The following TTC7A variants were observed in gnomAD, a reference collection of about 807,000 sequenced individuals.
The protein encoded by TTC7A is tetratricopeptide repeat protein 7A.
Under a neutral mutation model 103.7 loss-of-function variants are expected in TTC7A, and 110 were observed. The observed-to-expected ratio is 1.06, with a 90% CI of 0.91 to 1.24. The LOEUF (loss-of-function observed/expected upper bound fraction) is 1.24. Ranked by LOEUF, TTC7A falls within the 50% of genes most tolerant of loss-of-function variation. The probability of loss-of-function intolerance (pLI) is 0.00; values close to 1 mark genes in which losing one functional copy is unlikely to be tolerated. For missense variants in TTC7A, 1,340 were observed against 1,116.3 expected, an observed-to-expected ratio of 1.20 and a Z score of -2.86; for synonymous variants, 521 against 467.9, an observed-to-expected ratio of 1.11 and a Z score of -1.47.
At chr2:46,968,735 T>C (rs1443507636) in intron 3 of TTC7A, among the ~76,000 whole-genome samples, 1 of 152,176 alleles carries the variant, frequency 6.6e-6, no homozygotes, top group African/African-American at 2.4e-5. Flanking sequence ...AAAGGCATTA[T>C]CTCCATTATT....
At chr2:46,929,101 T>A (rs1256480230) in intron 2 of TTC7A, among the ~76,000 whole-genome samples, 1 of 152,060 alleles carries the variant, frequency 6.6e-6, no homozygotes. Context: ...AGGTGGAGGT[T>A]GGAGTGAGCC....
chr2:47,052,014 C>A (rs1682901588), intron 18 of TTC7A, 134 bp downstream of exon 18: 1 of 1,182,894 alleles, frequency 8.5e-7, no homozygotes, highest in African/African-American at 1.5e-5. Context: ...AGAGTCCTCG[C>A]CTCTGGCTGT....
At chr2:46,919,750 A>C (rs766487525) in intron 2 of TTC7A, among the ~76,000 whole-genome samples, 1 of 152,218 alleles carries the variant, frequency 6.6e-6, no homozygotes. Flanking sequence ...GCACAAGTAG[A>C]GGAAAAAACA....
intron 2 of TTC7A, among the ~76,000 whole-genome samples, chr2:46,919,735 G>A (rs1004312037): frequency 1.3e-5 from 2 of 152,208 alleles, no homozygotes; most frequent in East Asian, 1.9e-4. Context: ...AAAGGTGTGC[G>A]TTCTGCACAA....
chr2:47,023,298 C>A, intron 12 of TTC7A, 110 bp from the exon 13 acceptor site: 1 of 1,171,120 alleles, frequency 8.5e-7, no homozygotes, highest in Non-Finnish European at 1.2e-6. Context: ...CCAGATGGGA[C>A]CCTGGTGGGG....
rs756068587 is a variant in TTC7A, at chr2:47,051,819, G to A, written c.2091G>A (p.Ser697=). 316 of 1,611,974 alleles carry A rather than the reference G, an allele frequency of 2.0e-4. No individual in the cohort carries two copies. The highest frequency in any genetic ancestry group is 2.6e-4 in the Non-Finnish European group (304 of 1,179,798). ...TGTCAGAGCTGACTATGCCCTCTTCGGTCCTGAAGCAGGGCCCCATGCAGC... is the reference window on the plus strand; with the variant it reads ...TGTCAGAGCTGACTATGCCCTCTTCAGTCCTGAAGCAGGGCCCCATGCAGC... ...EAMSELTMPS[S]VLKQGPMQLW... Residue 697 remains serine (S), a synonymous_variant, in exon 18 of 20, where the codon TCG becomes TCA. Transcript: ENST00000319190.
At chr2:47,053,653 C>T (rs1278322464) in intron 18 of TTC7A, among the ~76,000 whole-genome samples, 1 of 152,064 alleles carries the variant, frequency 6.6e-6, no homozygotes, top group Admixed American at 6.6e-5. Context: ...CTCACTGCAA[C>T]CTCCACCTCC....
intron 2 of TTC7A, 138 bp from the exon 3 acceptor site, chr2:46,956,701 G>A: frequency 1.2e-6 from 1 of 843,366 alleles, no homozygotes; most frequent in South Asian, 1.5e-5. Flanking sequence ...GCATGTGCTT[G>A]AGCATCAAAG....
At chr2:46,991,234 T>G (rs776484198) in intron 5 of TTC7A, among the ~76,000 whole-genome samples, 34 of 152,186 alleles carry the variant, frequency 2.2e-4, no homozygotes, top group Admixed American at 8.5e-4. Flanking sequence ...AGTTCTTAAT[T>G]CAGCAGGTCT....
rs558488891 is a variant in TTC7A at position 47,042,972 on chromosome 2, C to T, written c.1803-3343C>T. 4.6e-5 allele frequency among the ~76,000 whole-genome samples: 7 copies of T among 152,302 alleles called. No individual in the cohort carries two copies. In the East Asian group the frequency reaches 1.4e-3, roughly 29 times the overall value. On this transcript the variant is annotated intron_variant, in intron 15 of 19. Coordinates refer to ENST00000319190, the MANE Select transcript of TTC7A (RefSeq NM_020458.4). The stretch of plus-strand genomic sequence containing the variant: ...CCTCCCCCCAGCTTCCCCCAGGAGT[C>T]ACAGCGTTCTGGTGAGGCTGTGGCC...
At chr2:46,962,407 C>T (rs528395659) in intron 3 of TTC7A, among the ~76,000 whole-genome samples, 7 of 152,314 alleles carry the variant, frequency 4.6e-5, no homozygotes, top group East Asian at 1.9e-4. Flanking sequence ...CTCCACCGAG[C>T]GTCTGACCTC....
chr2:46,959,968 C>T (rs1672229895), intron 3 of TTC7A, among the ~76,000 whole-genome samples: 3 of 152,308 alleles, frequency 2.0e-5, no homozygotes, highest in Non-Finnish European at 2.9e-5. Context: ...ACCACATGTT[C>T]CCCCACTAAG....
At chr2:47,063,507 A>G (rs1297549913) in intron 19 of TTC7A, among the ~76,000 whole-genome samples, 1 of 152,254 alleles carries the variant, frequency 6.6e-6, no homozygotes, top group Non-Finnish European at 1.5e-5. Context: ...TTTCACATTT[A>G]TGTAAGGGAT....
At chr2:46,930,356 C>T (rs1026462933) in intron 2 of TTC7A, among the ~76,000 whole-genome samples, 7 of 149,872 alleles carry the variant, frequency 4.7e-5, no homozygotes, top group South Asian at 4.2e-4. Context: ...ATAAATTCTA[C>T]GAACACTTAA....
At chr2:47,000,673 G>A (rs112767504) in intron 8 of TTC7A, among the ~76,000 whole-genome samples, 2 of 152,168 alleles carry the variant, frequency 1.3e-5, no homozygotes, top group South Asian at 2.1e-4. Flanking sequence ...CCAGGGAGGG[G>A]GCAGGTGCTG....
At chr2:46,975,281 A>G (rs1673766394) in intron 4 of TTC7A, among the ~76,000 whole-genome samples, 178 bp downstream of exon 4, 1 of 152,232 alleles carries the variant, frequency 6.6e-6, no homozygotes, top group Non-Finnish European at 1.5e-5. Context: ...TTCCACTAGA[A>G]TGAGACTCTT....
At chr2:47,008,456 C>T (rs776499197) in intron 10 of TTC7A, among the ~76,000 whole-genome samples, 7 of 152,230 alleles carry the variant, frequency 4.6e-5, no homozygotes, top group Non-Finnish European at 7.3e-5. Context: ...CTGGCACCAT[C>T]CCAGCATCCA....
intron 11 of TTC7A, among the ~76,000 whole-genome samples, chr2:47,011,756 C>T (rs545097363): frequency 1.3e-5 from 2 of 152,364 alleles, no homozygotes; most frequent in Admixed American, 1.3e-4. Flanking sequence ...GTCACCTGGA[C>T]CAGCCTCATC....
intron 18 of TTC7A, among the ~76,000 whole-genome samples, chr2:47,059,171 C>A (rs1558639444): frequency 6.6e-6 from 1 of 151,862 alleles, no homozygotes; most frequent in Non-Finnish European, 1.5e-5. Flanking sequence ...CAGGCACCCA[C>A]CACCATGCCC....
Sources: allele counts gnomAD v4.1 joint callset (sites outside exome capture counted in the v4.1 genomes callset), GRCh38; gene constraint gnomAD v4.1.1; transcripts MANE v1.5; gene names NCBI Gene and HGNC (gene_info 2026-07-23, HGNC 2026-07-21).